PIGN: variants seen among roughly 807,000 people sequenced by gnomAD.
PIGN encodes the protein GPI ethanolamine phosphate transferase 1.
PIGN carries 117 observed loss-of-function variants against 125.4 expected under a neutral mutation model. That is an observed-to-expected ratio of 0.93 (90% CI 0.80 to 1.09). The LOEUF (loss-of-function observed/expected upper bound fraction) is 1.09. Among genes scored for constraint, PIGN ranks in the 50% least tolerant of loss-of-function variants. The pLI is 0.00. For missense variants in PIGN, 1,075 were observed against 1,094.9 expected, an observed-to-expected ratio of 0.98 and a Z score of 0.26; for synonymous variants, 392 against 377.8, an observed-to-expected ratio of 1.04 and a Z score of -0.44.
chr18:62,050,483 A>G (rs2031183184), intron 30 of PIGN, among the ~76,000 whole-genome samples: 1 of 152,044 alleles, frequency 6.6e-6, no homozygotes, highest in Admixed American at 6.6e-5. Context: ...GAGTTCACTC[A>G]TGATTTGGCT....
intron 9 of PIGN, among the ~76,000 whole-genome samples, chr18:62,146,380 C>G (rs1035178412): frequency 1.3e-5 from 2 of 152,170 alleles, no homozygotes; most frequent in Non-Finnish European, 2.9e-5. Flanking sequence ...AGTAACCACC[C>G]AAGCTTGGGG....
At chr18:62,040,714 T>C (rs17633991), downstream of PIGN, among the ~76,000 whole-genome samples, 1 of 152,194 alleles carries the variant, frequency 6.6e-6, no homozygotes, top group African/African-American at 2.4e-5. Flanking sequence ...TTTAAGAATA[T>C]TACTTCTCAT....
chr18:62,061,351 G>A lies in PIGN; in HGVS notation c.2672+11322C>T, dbSNP rs74853787. Among the ~76,000 whole-genome samples the A allele has an allele frequency of 9.6e-3, 1,461 of 151,584 alleles. 48 individuals carry two copies. Among genetic ancestry groups the A allele is most frequent in the East Asian group, 0.069 (357 of 5,166 alleles). On this transcript the variant is annotated intron_variant, in intron 30 of 30. Transcript: ENST00000640252. ...CAGATACATGCCAGACTACATTCAC[G>A]GGGCAGTCAGCTCCCACTCCTCTCT...
chr18:62,086,978 G>C (rs1444738703), intron 25 of PIGN, among the ~76,000 whole-genome samples: 1 of 152,122 alleles, frequency 6.6e-6, no homozygotes, highest in Non-Finnish European at 1.5e-5. Flanking sequence ...CTTTGAAGAG[G>C]AGTGGCAGTT....
intron 7 of PIGN, 66 bp downstream of exon 7, chr18:62,154,479 G>T: frequency 1.3e-6 from 1 of 768,284 alleles, no homozygotes; most frequent in Non-Finnish European, 2.3e-6. Context: ...AAAAACGTGG[G>T]ATACAGTCTC....
chr18:62,107,884 C>T (rs181221497), intron 17 of PIGN, among the ~76,000 whole-genome samples: 33 of 152,180 alleles, frequency 2.2e-4, no homozygotes, highest in African/African-American at 7.7e-4. Context: ...CTTTTCCAAA[C>T]CCAATTTAAG....
intron 29 of PIGN, among the ~76,000 whole-genome samples, chr18:62,073,892 C>T (rs1181340800): frequency 1.3e-5 from 2 of 152,170 alleles, no homozygotes; most frequent in Non-Finnish European, 2.9e-5. Context: ...GAAGGTTCTG[C>T]CTGAGGGCTT....
intron 29 of PIGN, among the ~76,000 whole-genome samples, chr18:62,074,153 T>C (rs1419038217): frequency 2.0e-5 from 3 of 152,248 alleles, no homozygotes; most frequent in Non-Finnish European, 4.4e-5. Context: ...TTTGGTGTCC[T>C]GGACTCTGCC....
intron 23 of PIGN, among the ~76,000 whole-genome samples, chr18:62,029,261 C>A (rs2030162768): frequency 6.6e-6 from 1 of 152,138 alleles, no homozygotes; most frequent in African/African-American, 2.4e-5. Context: ...TCCAGAGAAC[C>A]ATTTGGATCT....
rs909641398 is a variant in PIGN at position 62,155,306 on chromosome 18, C to G, written c.443-655G>C. ...GATATGGCCAGTGTGGTGGCTCACA[C>G]CTGTAATCCCTGTATTTTGGGAGGC... On this transcript the variant is annotated intron_variant, in intron 6 of 30. Coordinates refer to ENST00000640252, the MANE Select transcript of PIGN (RefSeq NM_176787.5). Among the ~76,000 whole-genome samples, 21 of 152,238 alleles carry G rather than the reference C, an allele frequency of 1.4e-4. No individual in the cohort carries two copies. The East Asian group carries it at 3.9e-3, about 28-fold the overall frequency.
At chr18:62,084,329 CTT>C (rs2033587461) in intron 27 of PIGN, among the ~76,000 whole-genome samples, 200 bp downstream of exon 27, 1 of 152,180 alleles carries the variant, frequency 6.6e-6, no homozygotes, top group South Asian at 2.1e-4. Flanking sequence ...AATCCCTACT[CTT>C]TTGAAGTCAA....
intron 1 of PIGN, among the ~76,000 whole-genome samples, chr18:62,168,554 A>C (rs1344359700): frequency 1.3e-5 from 2 of 152,110 alleles, no homozygotes; most frequent in Non-Finnish European, 2.9e-5. Flanking sequence ...TTTATTCCTA[A>C]ATACTTCAGT....
chr18:62,072,558 T>C, intron 30 of PIGN, 115 bp downstream of exon 30: 1 of 786,252 alleles, frequency 1.3e-6, no homozygotes, highest in Non-Finnish European at 2.1e-6. Context: ...GGCTACACCA[T>C]CTAGGTTTGT....
intron 30 of PIGN, among the ~76,000 whole-genome samples, chr18:62,054,329 G>T (rs1246335032): frequency 1.3e-5 from 2 of 150,494 alleles, no homozygotes; most frequent in African/African-American, 2.4e-5. Flanking sequence ...AATACAAAAA[G>T]CACAATCTAA....
At chr18:62,140,665 TA>T (rs996615549) in intron 11 of PIGN, among the ~76,000 whole-genome samples, 186 bp from the exon 12 acceptor site, 6 of 152,106 alleles carry the variant, frequency 3.9e-5, no homozygotes, top group African/African-American at 7.2e-5. Context: ...TATGAACCTA[TA>T]AAAAAAATTT....
At chr18:62,175,897 CT>C (rs949977495) in intron 1 of PIGN, among the ~76,000 whole-genome samples, 5 of 152,090 alleles carry the variant, frequency 3.3e-5, no homozygotes, top group Non-Finnish European at 7.4e-5. Flanking sequence ...AGGAAGAGAG[CT>C]AATAAAAAGT....
Position 62,157,725 on chromosome 18 carries a change from A to G in PIGN, c.305T>C (p.Ile102Thr), listed in dbSNP as rs1376116351. ...TESRPGHVAL[I>T]AGFYEDVSAV... ...ACTGACATCTTCATAAAACCCAGCT[A>G]TCAGAGCTACATGACCTGGCCGAGA... The change falls in exon 5 of 31, where the codon ATA becomes ACA. Residue 102 changes from isoleucine to threonine, a missense_variant. Physicochemically the swap from Ile to Thr is moderately conservative, Grantham distance 89 (BLOSUM62 -1). Coordinates refer to ENST00000640252, the MANE Select transcript of PIGN (RefSeq NM_176787.5). The G allele has an allele frequency of 6.2e-7, 1 of 1,612,414 alleles. No individual in the cohort carries two copies. The highest frequency in any genetic ancestry group is 1.1e-5 in the South Asian group (1 of 90,634).
At chr18:62,063,240 A>G (rs2032294215) in intron 30 of PIGN, among the ~76,000 whole-genome samples, 1 of 151,268 alleles carries the variant, frequency 6.6e-6, no homozygotes, top group African/African-American at 2.4e-5. Context: ...ATTTTATCCA[A>G]AATCTATGGT....
Position 62,101,188 on chromosome 18 carries a change from AG to A in PIGN, c.1969-6del. The A allele has an allele frequency of 1.3e-6, 2 of 1,523,622 alleles. No homozygotes were observed. The highest frequency in any genetic ancestry group is 1.8e-6 in the Non-Finnish European group (2 of 1,100,686). 94.4% of individuals were successfully genotyped at this position (1,523,622 alleles called of 1,614,324 possible). A position where few individuals can be genotyped will look rare whatever the true frequency, so the allele number is the denominator to read the frequency against. On this transcript the variant is annotated splice_polypyrimidine_tract_variant and splice_region_variant and intron_variant, in intron 21 of 30. Coordinates refer to ENST00000640252, the MANE Select transcript of PIGN (RefSeq NM_176787.5). ...GGAGAGCACTGTGCTCAGCACCTAAAGACAAAGATGAAATAGGTTAAAAAAA... is the reference window on the plus strand; with the variant it reads ...GGAGAGCACTGTGCTCAGCACCTAAAACAAAGATGAAATAGGTTAAAAAAA...
Sources: gnomAD v4.1 joint callset for allele counts (sites outside exome capture counted in the v4.1 genomes callset) on GRCh38, gnomAD v4.1.1 for gene constraint, MANE v1.5 for transcripts, NCBI Gene and HGNC (gene_info 2026-07-23, HGNC 2026-07-21) for gene names.